PDE1A: variants seen among roughly 807,000 people sequenced by gnomAD.
The protein encoded by PDE1A is phosphodiesterase 1A, also known as dual specificity calcium/calmodulin-dependent 3',5'-cyclic nucleotide phosphodiesterase 1A.
A neutral mutation model predicts 61.7 loss-of-function variants in PDE1A; 35 were observed. The ratio of observed to expected loss-of-function variants is 0.57; its 90% CI spans 0.43 to 0.75. The LOEUF is 0.75. Ranked by LOEUF, PDE1A falls within the 30% of genes least tolerant of loss-of-function variation. The pLI is 0.00. For missense variants in PDE1A, 597 were observed against 630.6 expected (o/e 0.95, Z 0.57); for synonymous variants, 232 against 213.2 (o/e 1.09, Z -0.77).
At chr2:182,307,922 A>G (rs1456163675) in intron 1 of PDE1A, among the ~76,000 whole-genome samples, 2 of 151,922 alleles carry the variant, frequency 1.3e-5, no homozygotes, top group East Asian at 3.9e-4. Context: ...GGGTGTGGAG[A>G]AAAGAGAACC....
intron 2 of PDE1A, among the ~76,000 whole-genome samples, chr2:182,255,650 CTTTCT>C (rs1251436880): frequency 1.1e-4 from 16 of 148,252 alleles, no homozygotes; most frequent in African/African-American, 3.3e-4. Flanking sequence ...TCTTTTCTTT[CTTTCT>C]TTTCTTTTTT....
intron 2 of PDE1A, among the ~76,000 whole-genome samples, chr2:182,484,445 C>T (rs1443173276): frequency 2.0e-5 from 3 of 151,766 alleles, no homozygotes; most frequent in Non-Finnish European, 4.4e-5. Flanking sequence ...ATCCTGGATA[C>T]AGGAACAGGC....
the PDE1A span, among the ~76,000 whole-genome samples, chr2:182,611,501 T>G: frequency 2.0e-5 from 3 of 152,184 alleles, no homozygotes; most frequent in South Asian, 2.1e-4. Context: ...AGTCTGTAAA[T>G]TTAAACTTCA....
chr2:182,328,961 C>G (rs1014758393), intron 1 of PDE1A, among the ~76,000 whole-genome samples: 1 of 152,164 alleles, frequency 6.6e-6, no homozygotes, highest in African/African-American at 2.4e-5. Context: ...AAATTGTAAG[C>G]AACTTCTTTT....
At chr2:182,364,571 G>A (rs951378581) in intron 1 of PDE1A, among the ~76,000 whole-genome samples, 1 of 144,274 alleles carries the variant, frequency 6.9e-6, no homozygotes, top group South Asian at 2.2e-4. Context: ...TGACATTTCA[G>A]GACAGCATAG....
chr2:182,144,669 C>A (rs1400588717), downstream of PDE1A, among the ~76,000 whole-genome samples: 1 of 152,174 alleles, frequency 6.6e-6, no homozygotes, highest in Non-Finnish European at 1.5e-5. Context: ...AACATCTACA[C>A]TTTCTGTGAT....
chr2:182,422,479 T>A (rs2125588224), intron 1 of PDE1A, among the ~76,000 whole-genome samples: 1 of 152,314 alleles, frequency 6.6e-6, no homozygotes, highest in South Asian at 2.1e-4. Flanking sequence ...GCAGTGAAAT[T>A]CAGAAAAATA....
intron 2 of PDE1A, among the ~76,000 whole-genome samples, chr2:182,480,802 C>G (rs1327209131): frequency 6.6e-6 from 1 of 151,858 alleles, no homozygotes; most frequent in Non-Finnish European, 1.5e-5. Flanking sequence ...CAAACACACT[C>G]CCACCTACTA....
the PDE1A span, among the ~76,000 whole-genome samples, chr2:182,620,262 T>C: frequency 6.6e-6 from 1 of 152,220 alleles, no homozygotes; most frequent in Non-Finnish European, 1.5e-5. Context: ...TATATTAATA[T>C]GAATTTCAGT....
the PDE1A span, among the ~76,000 whole-genome samples, chr2:182,624,090 A>C: frequency 6.9e-6 from 1 of 145,568 alleles, no homozygotes; most frequent in African/African-American, 2.5e-5. Flanking sequence ...ACGCCACTGC[A>C]CTCCAGCCTG....
At chr2:182,562,617 T>A in the PDE1A span, among the ~76,000 whole-genome samples, 1 of 152,136 alleles carries the variant, frequency 6.6e-6, no homozygotes, top group Non-Finnish European at 1.5e-5. Flanking sequence ...TTGGAATAGT[T>A]TCAGAAGGAA....
the PDE1A span, among the ~76,000 whole-genome samples, chr2:182,689,847 T>G: frequency 6.6e-6 from 1 of 152,148 alleles, no homozygotes; most frequent in South Asian, 2.1e-4. Flanking sequence ...ATAAAGGGGA[T>G]ATCACCATCG....
At chr2:182,230,298 G>A in intron 5 of PDE1A, 152 bp from the exon 6 acceptor site, 1 of 603,012 alleles carries the variant, frequency 1.7e-6, no homozygotes, top group Non-Finnish European at 2.9e-6. Flanking sequence ...ACCACTTCAT[G>A]AACATGTTAA....
At chr2:182,214,025 C>A (rs1253291450) in intron 7 of PDE1A, among the ~76,000 whole-genome samples, 2 of 141,346 alleles carry the variant, frequency 1.4e-5, no homozygotes, top group African/African-American at 2.6e-5. Context: ...AGAGAAAGGT[C>A]GGGTTACCCT....
the PDE1A span, among the ~76,000 whole-genome samples, chr2:182,655,935 A>T: frequency 6.6e-6 from 1 of 152,184 alleles, no homozygotes; most frequent in African/African-American, 2.4e-5. Context: ...GCTGCAGGAG[A>T]TAAAGATCAC....
At chr2:182,650,130 T>C in the PDE1A span, among the ~76,000 whole-genome samples, 2 of 152,230 alleles carry the variant, frequency 1.3e-5, no homozygotes, top group East Asian at 3.9e-4. Context: ...AAAAAGATCC[T>C]AGATCTATCC....
At chr2:182,552,899 G>A in the PDE1A span, among the ~76,000 whole-genome samples, 3 of 151,980 alleles carry the variant, frequency 2.0e-5, no homozygotes, top group African/African-American at 7.2e-5. Flanking sequence ...GCTTTCGCTC[G>A]CCATCCACCA....
intron 2 of PDE1A, among the ~76,000 whole-genome samples, chr2:182,475,284 A>C (rs1198344003): frequency 6.6e-6 from 1 of 151,934 alleles, no homozygotes; most frequent in African/African-American, 2.4e-5. Flanking sequence ...CAGCAGCAAC[A>C]GGTGCAGACT....
intron 1 of PDE1A, among the ~76,000 whole-genome samples, chr2:182,303,392 A>G (rs1009810629): frequency 8.5e-5 from 13 of 152,228 alleles, no homozygotes; most frequent in African/African-American, 2.2e-4. Context: ...TGCATTGTCA[A>G]TGAGTAGTGA....
Sources: gnomAD v4.1 joint callset for allele counts (sites outside exome capture counted in the v4.1 genomes callset) on GRCh38, gnomAD v4.1.1 for gene constraint, MANE v1.5 for transcripts, NCBI Gene and HGNC (gene_info 2026-07-23, HGNC 2026-07-21) for gene names.